The following LMCD1 variants were observed in gnomAD, a reference collection of about 807,000 sequenced individuals.
LMCD1 encodes the protein LIM and cysteine-rich domains protein 1.
In LMCD1, 32 loss-of-function variants were observed where a neutral mutation model predicts 42.7. The observed-to-expected ratio is 0.75, with a 90% CI of 0.57 to 1.01. The LOEUF (loss-of-function observed/expected upper bound fraction) is 1.01, where lower values mean the gene tolerates loss of function less well. Ranked by LOEUF, LMCD1 falls within the 50% of genes least tolerant of loss-of-function variation. The pLI is 0.00. For synonymous variants in LMCD1, 178 were observed against 184.9 expected (o/e 0.96, Z 0.30); for missense variants, 458 against 483.1 (o/e 0.95, Z 0.49).
intron 1 of LMCD1, among the ~76,000 whole-genome samples, chr3:8,506,607 T>C (rs1454803144): frequency 6.6e-6 from 1 of 152,204 alleles, no homozygotes; most frequent in Non-Finnish European, 1.5e-5. Flanking sequence ...CAAATCGTCC[T>C]CTTTTTAGCT....
At chr3:8,548,053 T>A (rs1456516310) in intron 3 of LMCD1, among the ~76,000 whole-genome samples, 3 of 152,216 alleles carry the variant, frequency 2.0e-5, no homozygotes, top group Non-Finnish European at 4.4e-5. Context: ...TATTTGTGTA[T>A]ATAAACATAT....
intron 1 of LMCD1, among the ~76,000 whole-genome samples, chr3:8,504,910 G>C (rs1693846847): frequency 6.6e-6 from 1 of 152,228 alleles, no homozygotes; most frequent in South Asian, 2.1e-4. Context: ...TTTGGCTTCA[G>C]ATCTGGTTTA....
At chr3:8,532,466 T>C (rs1374674790) in intron 1 of LMCD1, among the ~76,000 whole-genome samples, 1 of 152,184 alleles carries the variant, frequency 6.6e-6, no homozygotes, top group African/African-American at 2.4e-5. Context: ...TCTTGCTGTT[T>C]TGAAACAGCA....
intron 1 of LMCD1, among the ~76,000 whole-genome samples, chr3:8,502,321 T>TTATAAAATATATATAA (rs1553604866): frequency 3.9e-5 from 1 of 25,760 alleles, no homozygotes; most frequent in African/African-American, 1.9e-4. Context: ...AAAATATATA[T>TTATAAAATATATATAA]TATATATAAT....
chr3:8,556,271 A>G (rs1694931841), intron 4 of LMCD1, among the ~76,000 whole-genome samples: 1 of 152,212 alleles, frequency 6.6e-6, no homozygotes, highest in Non-Finnish European at 1.5e-5. Flanking sequence ...AGTGTTTTCA[A>G]ACTTCAGGTC....
At position 8,569,556 on chromosome 3, in the gene LMCD1, C is replaced by G. The variant is rs886164913; in HGVS notation, c.*1958C>G. 3 of 152,126 alleles carry G rather than the reference C, an allele frequency of 2.0e-5. No homozygotes were observed. The highest frequency in any genetic ancestry group is 4.8e-5 in the African/African-American group (2 of 41,400). The allele number at this position is 152,126 out of a possible 1,614,324, so 9.4% of individuals were successfully genotyped here. ...GTCTGTGGGGGAGATGGGCCTCAAG[C>G]AAATATTCTCACAAGTCAATGCAAA... On this transcript the variant is annotated 3_prime_UTR_variant, in exon 6 of 6. Coordinates refer to ENST00000157600, the MANE Select transcript of LMCD1 (RefSeq NM_014583.4).
At position 8,502,076 on chromosome 3, in the gene LMCD1, G is replaced by A. The variant is rs111239601; in HGVS notation, c.42+96G>A. 1,809 of 1,117,586 alleles carry A rather than the reference G, an allele frequency of 1.6e-3. 33 individuals carry two copies. The African/African-American group carries it at 0.026, about 16-fold the overall frequency. The allele number at this position is 1,117,586 out of a possible 1,614,324, so 69.2% of individuals were successfully genotyped here. ...AAACTTCCCAAAAGGTAATGAGAAG[G>A]GAACTCTTTAAATTCCAAAACTGCA... On this transcript the variant is annotated intron_variant, in intron 1 of 5. Transcript: ENST00000157600.
At chr3:8,511,061 C>G (rs1192205366) in intron 1 of LMCD1, among the ~76,000 whole-genome samples, 1 of 152,208 alleles carries the variant, frequency 6.6e-6, no homozygotes, top group Non-Finnish European at 1.5e-5. Context: ...CTCTGCCACT[C>G]ATTTCCTATT....
Position 8,531,498 on chromosome 3 carries a change from C to T in LMCD1, c.43-1239C>T, listed in dbSNP as rs1045999774. 2.0e-5 allele frequency among the ~76,000 whole-genome samples: 3 copies of T among 152,174 alleles called. No homozygotes were observed. In the East Asian group the frequency reaches 5.8e-4, roughly 29 times the overall value. ...GGTCCTGCACGTTACTATATTATCT[C>T]GGTATCCACTTGGCAGATAAGGAAA... On this transcript the variant is annotated intron_variant, in intron 1 of 5. Transcript: ENST00000157600.
chr3:8,525,326 T>C (rs1319009528), intron 1 of LMCD1, among the ~76,000 whole-genome samples: 1 of 152,242 alleles, frequency 6.6e-6, no homozygotes, highest in Non-Finnish European at 1.5e-5. Context: ...CGTAGCATAA[T>C]GTCCTTGAGT....
Position 8,567,699 on chromosome 3 carries a change from G to GAAAT in LMCD1, c.*105_*108dup, listed in dbSNP as rs1221920036. 3 of 1,125,868 alleles carry GAAAT rather than the reference G, an allele frequency of 2.7e-6. No individual in the cohort carries two copies. The African/African-American group carries it at 4.7e-5, about 18-fold the overall frequency. The allele number at this position is 1,125,868 out of a possible 1,614,324, so 69.7% of individuals were successfully genotyped here. A position where few individuals can be genotyped will look rare whatever the true frequency, so the allele number is the denominator to read the frequency against. On this transcript the variant is annotated 3_prime_UTR_variant, in exon 6 of 6. Coordinates refer to ENST00000157600, the MANE Select transcript of LMCD1 (RefSeq NM_014583.4). ...GGGTCCGATGTGACAGCAAGCAAGT[G>GAAAT]AAATAAACAATGATTTGCTTTTCAG...
chr3:8,504,879 A>T (rs1693846488), intron 1 of LMCD1, among the ~76,000 whole-genome samples: 1 of 152,204 alleles, frequency 6.6e-6, no homozygotes, highest in Non-Finnish European at 1.5e-5. Flanking sequence ...TTTATTAAGG[A>T]TGCAAGTTAT....
At chr3:8,532,632 A>C (rs1694433575) in intron 1 of LMCD1, 105 bp from the exon 2 acceptor site, 1 of 899,872 alleles carries the variant, frequency 1.1e-6, no homozygotes, top group Non-Finnish European at 1.8e-6. Context: ...AGCCCTTTGA[A>C]CCCCACACAG....
intron 1 of LMCD1, among the ~76,000 whole-genome samples, chr3:8,521,845 C>A (rs777893868): frequency 2.0e-5 from 3 of 152,092 alleles, no homozygotes; most frequent in Non-Finnish European, 2.9e-5. Context: ...TGATTGCAAT[C>A]ATAGATTCTT....
At chr3:8,540,483 A>C (rs1694602553) in intron 3 of LMCD1, among the ~76,000 whole-genome samples, 1 of 152,254 alleles carries the variant, frequency 6.6e-6, no homozygotes, top group Admixed American at 6.5e-5. Flanking sequence ...CGATGCAGCT[A>C]GCCCAATGTC....
At chr3:8,508,364 T>C (rs780737554) in intron 1 of LMCD1, among the ~76,000 whole-genome samples, 2 of 152,054 alleles carry the variant, frequency 1.3e-5, no homozygotes, top group Non-Finnish European at 2.9e-5. Context: ...GAAATATAAT[T>C]GCTAAGGGAG....
chr3:8,532,832 G>A lies in LMCD1; in HGVS notation c.131+7G>A. 6.2e-7 allele frequency: 1 copy of A among 1,612,404 alleles called. No homozygotes were observed. Among genetic ancestry groups the A allele is most frequent in the Non-Finnish European group, 8.5e-7 (1 of 1,178,632 alleles). On this transcript the variant is annotated splice_region_variant and intron_variant, in intron 2 of 5. Coordinates refer to ENST00000157600, the MANE Select transcript of LMCD1 (RefSeq NM_014583.4). ...TCGAGCCACATTCATGGAGGTAACA[G>A]ATTTTGTCAGGAGGGTCCCTGTCTG...
intron 4 of LMCD1, among the ~76,000 whole-genome samples, chr3:8,557,931 C>T (rs1184347371): frequency 2.6e-5 from 4 of 152,164 alleles, no homozygotes; most frequent in Admixed American, 2.0e-4. Context: ...GCTGGGAAGA[C>T]ACACACAGCA....
intron 3 of LMCD1, among the ~76,000 whole-genome samples, chr3:8,540,253 C>G (rs1439605689): frequency 1.3e-5 from 2 of 152,164 alleles, no homozygotes; most frequent in Non-Finnish European, 2.9e-5. Context: ...TATCTCTCAT[C>G]CTTTGCAACC....
Sources: gnomAD v4.1 joint callset for allele counts (sites outside exome capture counted in the v4.1 genomes callset) on GRCh38, gnomAD v4.1.1 for gene constraint, MANE v1.5 for transcripts, NCBI Gene and HGNC (gene_info 2026-07-23, HGNC 2026-07-21) for gene names.